The following SCHIP1 variants were observed in gnomAD, a reference collection of about 807,000 sequenced individuals.
The protein encoded by SCHIP1 is schwannomin-interacting protein 1.
A neutral mutation model predicts 29.7 loss-of-function variants in SCHIP1; 8 were observed. The ratio of observed to expected loss-of-function variants is 0.27; its 90% confidence interval spans 0.16 to 0.49. The LOEUF (loss-of-function observed/expected upper bound fraction) is 0.49. Ranked by LOEUF, SCHIP1 falls within the 20% of genes least tolerant of loss-of-function variation. The probability of loss-of-function intolerance (pLI) is 0.99; values close to 1 mark genes in which losing one functional copy is unlikely to be tolerated. For missense variants in SCHIP1, 193 were observed against 294.6 expected, an observed-to-expected ratio of 0.66 and a Z score of 2.52; for synonymous variants, 76 against 94.9, an observed-to-expected ratio of 0.80 and a Z score of 1.16.
chr3:159,282,924 A>G, the SCHIP1 span, among the ~76,000 whole-genome samples: 1 of 151,898 alleles, frequency 6.6e-6, no homozygotes, highest in East Asian at 2.0e-4. Flanking sequence ...TTGGATGGTC[A>G]GACTCATTCC....
chr3:159,643,762 A>G, the SCHIP1 span, among the ~76,000 whole-genome samples: 1 of 152,012 alleles, frequency 6.6e-6, no homozygotes, highest in African/African-American at 2.4e-5. Flanking sequence ...CCACCTCAAT[A>G]ATTGATGTTT....
chr3:159,326,276 G>T, the SCHIP1 span, among the ~76,000 whole-genome samples: 1 of 152,060 alleles, frequency 6.6e-6, no homozygotes, highest in Non-Finnish European at 1.5e-5. Flanking sequence ...GACTTCAGAG[G>T]TATAGTAAGT....
At chr3:159,629,273 T>A in the SCHIP1 span, among the ~76,000 whole-genome samples, 1 of 152,082 alleles carries the variant, frequency 6.6e-6, no homozygotes, top group African/African-American at 2.4e-5. Context: ...AAAGAGACCC[T>A]GTCTAAAAAA....
chr3:159,699,843 G>C, the SCHIP1 span, among the ~76,000 whole-genome samples: 1 of 152,192 alleles, frequency 6.6e-6, no homozygotes, highest in African/African-American at 2.4e-5. Flanking sequence ...GTTTGTGCTA[G>C]AGCTTCTCCC....
chr3:159,279,408 C>T, the SCHIP1 span, among the ~76,000 whole-genome samples: 12 of 152,060 alleles, frequency 7.9e-5, 1 homozygote, highest in African/African-American at 1.9e-4. Context: ...TACCCAGTCT[C>T]GGATATTTCT....
At chr3:159,717,770 G>C in the SCHIP1 span, among the ~76,000 whole-genome samples, 1 of 152,196 alleles carries the variant, frequency 6.6e-6, no homozygotes, top group Non-Finnish European at 1.5e-5. Context: ...TCCAGGACCA[G>C]ATGGATTCAC....
chr3:159,892,110 G>A lies in SCHIP1; in HGVS notation c.603G>A (p.Glu201=), dbSNP rs149330175. Residue 201 remains glutamate (E), a synonymous_variant, in exon 6 of 7, where the codon GAG becomes GAA. Coordinates refer to ENST00000445224, the Ensembl canonical transcript of SCHIP1. ...TATTTGCCACAGGCTTGAATGAAGA[G>A]TTGGTCCAGCTGCTTCTCATCCGAG... 1.0e-3 allele frequency: 1,670 copies of A among 1,612,456 alleles called. 13 individuals carry two copies. The highest frequency in any genetic ancestry group is 5.8e-3 in the Middle Eastern group (35 of 6,026).
At chr3:159,881,741 AT>A (rs886150141) in intron 2 of SCHIP1, among the ~76,000 whole-genome samples, 2 of 152,112 alleles carry the variant, frequency 1.3e-5, no homozygotes, top group Non-Finnish European at 2.9e-5. Context: ...ATGATGCGTA[AT>A]TTTTTTAAAA....
chr3:159,643,638 A>T, the SCHIP1 span, among the ~76,000 whole-genome samples: 6 of 152,152 alleles, frequency 3.9e-5, no homozygotes, highest in Non-Finnish European at 8.8e-5. Flanking sequence ...TTCATTAATC[A>T]TAATACTAAT....
At chr3:159,471,006 C>T in the SCHIP1 span, among the ~76,000 whole-genome samples, 1 of 152,100 alleles carries the variant, frequency 6.6e-6, no homozygotes, top group South Asian at 2.1e-4. Flanking sequence ...AAAATTGCTA[C>T]AAAAGAGCAT....
At chr3:159,786,675 G>T in the SCHIP1 span, among the ~76,000 whole-genome samples, 1 of 107,904 alleles carries the variant, frequency 9.3e-6, no homozygotes, top group South Asian at 3.6e-4. Flanking sequence ...GCGTGTGTGT[G>T]TGTGTGTGTG....
At chr3:159,798,093 T>C in the SCHIP1 span, among the ~76,000 whole-genome samples, 9 of 152,342 alleles carry the variant, frequency 5.9e-5, no homozygotes, top group South Asian at 4.1e-4. Context: ...TGAATAACTC[T>C]ATTTTGGTTT....
the SCHIP1 span, among the ~76,000 whole-genome samples, chr3:159,678,619 G>C: frequency 6.6e-6 from 1 of 152,156 alleles, no homozygotes; most frequent in African/African-American, 2.4e-5. Context: ...AAACTTAATT[G>C]GTTATGTATC....
intron 1 of SCHIP1, chr3:159,845,408 T>C (rs541653265): frequency 6.7e-6 from 1 of 150,062 alleles, no homozygotes; most frequent in South Asian, 2.1e-4. Context: ...TTAGATGGAG[T>C]CTTGCTCCGT....
chr3:159,757,602 C>T, the SCHIP1 span, among the ~76,000 whole-genome samples: 3 of 152,188 alleles, frequency 2.0e-5, 1 homozygote, highest in South Asian at 4.1e-4. Context: ...TTACCTCACC[C>T]GCCTGGCCCC....
the SCHIP1 span, among the ~76,000 whole-genome samples, chr3:159,708,262 C>T: frequency 6.6e-6 from 1 of 152,180 alleles, no homozygotes; most frequent in Non-Finnish European, 1.5e-5. Flanking sequence ...TGTGATGAGA[C>T]AAATGGGTCC....
At chr3:159,691,055 G>T in the SCHIP1 span, among the ~76,000 whole-genome samples, 1 of 152,176 alleles carries the variant, frequency 6.6e-6, no homozygotes, top group African/African-American at 2.4e-5. Context: ...GTGCTGAGAA[G>T]AATGTATATT....
the SCHIP1 span, among the ~76,000 whole-genome samples, chr3:159,652,573 CA>C: frequency 6.6e-6 from 1 of 151,998 alleles, no homozygotes; most frequent in Non-Finnish European, 1.5e-5. Context: ...GATATGTAAA[CA>C]AGACAATTAC....
the SCHIP1 span, among the ~76,000 whole-genome samples, chr3:159,742,485 AGT>A: frequency 6.6e-6 from 1 of 152,146 alleles, no homozygotes; most frequent in Non-Finnish European, 1.5e-5. Context: ...TCAAGTAGCA[AGT>A]GTTAGGAACT....
Sources: allele counts gnomAD v4.1 joint callset (sites outside exome capture counted in the v4.1 genomes callset), GRCh38; gene constraint gnomAD v4.1.1; transcripts MANE v1.5; gene names NCBI Gene and HGNC (gene_info 2026-07-23, HGNC 2026-07-21).